Variants in TECPR2 observed in about 807,000 individuals in gnomAD.
The protein encoded by TECPR2 is tectonin beta-propeller repeat-containing protein 2.
In TECPR2, 65 loss-of-function variants were observed where a neutral mutation model predicts 138.1. The observed-to-expected ratio is 0.47, with a 90% CI of 0.39 to 0.58. The LOEUF is 0.58. Among genes scored for constraint, TECPR2 ranks in the 20% least tolerant of loss-of-function variants. The pLI, the probability that TECPR2 is intolerant of heterozygous loss-of-function variation, is 0.00. For missense variants in TECPR2, 1,553 were observed against 1,824.5 expected (o/e 0.85, Z 2.71); for synonymous variants, 746 against 749.8 (o/e 0.99, Z 0.08).
Position 102,414,696 on chromosome 14 carries a change from A to G in TECPR2, c.541A>G (p.Ser181Gly), listed in dbSNP as rs200469835. ...EPSSIVQLDY[S>G]QKVLLVSTLQ... ...ATCTTCCATTGTGCAGCTGGATTAT[A>G]GCCAGAAAGTGCTGCTGGTCTCTAC... is the stretch of plus-strand genomic sequence containing the variant. Residue 181 changes from serine (S) to glycine (G), a missense_variant, in exon 5 of 20, where the codon AGC becomes GGC. Physicochemically the swap from Ser to Gly is moderately conservative, Grantham distance 56. Coordinates refer to ENST00000359520, the MANE Select transcript of TECPR2 (RefSeq NM_014844.5). 21 of 1,614,230 alleles carry G rather than the reference A, an allele frequency of 1.3e-5. No homozygotes were observed. In the East Asian group the frequency reaches 4.2e-4, roughly 33 times the overall value.
rs192518133 is a variant in TECPR2 at position 102,502,333 on chromosome 14, G to T, written c.*4076G>T. The T allele has an allele frequency of 4.7e-3, 725 of 152,702 alleles. 4 individuals carry two copies. The highest frequency in any genetic ancestry group is 7.1e-3 in the Non-Finnish European group (481 of 68,032). The allele number at this position is 152,702 out of a possible 1,614,324, so 9.5% of individuals were successfully genotyped here. On this transcript the variant is annotated 3_prime_UTR_variant, in exon 20 of 20. Transcript: ENST00000359520. Reference sequence around the variant, plus strand: ...CATAACTCCGGGGAGGAGCAAGAGGGGTGAAAAGAAACAAGTTCTCTACTT... The same window carrying T: ...CATAACTCCGGGGAGGAGCAAGAGGTGTGAAAAGAAACAAGTTCTCTACTT...
At position 102,434,624 on chromosome 14, in the gene TECPR2, C is replaced by T; in HGVS notation, c.1807C>T (p.Pro603Ser). The change falls in exon 9 of 20, where the codon CCT (proline) becomes TCT (serine). Residue 603 changes from proline (P) to serine (S), a missense_variant. Coordinates refer to ENST00000359520, the MANE Select transcript of TECPR2 (RefSeq NM_014844.5). ...DVTGLGDEPC[P>S]ADDGPNSTQL... Reference sequence around the variant, plus strand: ...CACGGGACTCGGAGATGAGCCGTGTCCTGCAGATGATGGACCAAATAGCAC... The same window carrying T: ...CACGGGACTCGGAGATGAGCCGTGTTCTGCAGATGATGGACCAAATAGCAC... 6.3e-7 allele frequency: 1 copy of T among 1,588,650 alleles called. No individual in the cohort carries two copies. The highest frequency in any genetic ancestry group is 8.6e-7 in the Non-Finnish European group (1 of 1,163,546).
In TECPR2 at chr14:102,443,873, CT is replaced by C; in HGVS notation, c.2933+48del. On this transcript the variant is annotated intron_variant, in intron 12 of 19. Coordinates refer to ENST00000359520, the MANE Select transcript of TECPR2 (RefSeq NM_014844.5). This position sits in a 1 kb window ranked among gnomAD's most constrained non-coding sequence, Gnocchi z 4.9. ...CCTTTCACATCGTGCTTGTCCTACC[CT>C]TCGTTCTTGTCCACTTGACACCACA... 6.9e-7 allele frequency: 1 copy of C among 1,458,192 alleles called. No individual in the cohort carries two copies. The allele number at this position is 1,458,192 out of a possible 1,614,324, so 90.3% of individuals were successfully genotyped here.
intron 2 of TECPR2, among the ~76,000 whole-genome samples, chr14:102,404,667 C>T (rs1888604264): frequency 6.6e-6 from 1 of 151,634 alleles, no homozygotes; most frequent in Admixed American, 6.6e-5. Flanking sequence ...ACCTCCACCT[C>T]CTAGGTTCAA....
chr14:102,495,969 G>A (rs1234082672), intron 17 of TECPR2, among the ~76,000 whole-genome samples: 1 of 152,224 alleles, frequency 6.6e-6, no homozygotes, highest in Non-Finnish European at 1.5e-5. Flanking sequence ...GTGTGACACG[G>A]GCACTATGAC....
At chr14:102,405,365 G>T (rs1057011572) in intron 2 of TECPR2, among the ~76,000 whole-genome samples, 7 of 152,072 alleles carry the variant, frequency 4.6e-5, no homozygotes, top group African/African-American at 1.7e-4. Context: ...TCAAAAATGG[G>T]CAAAGGACTT....
chr14:102,479,064 T>C (rs1390664284), intron 17 of TECPR2, among the ~76,000 whole-genome samples: 2 of 151,608 alleles, frequency 1.3e-5, no homozygotes, highest in African/African-American at 4.8e-5. Flanking sequence ...TTGAAGCTGT[T>C]TTTGGAGTTA....
At chr14:102,493,385 G>A (rs1477837527) in intron 17 of TECPR2, among the ~76,000 whole-genome samples, 2 of 152,188 alleles carry the variant, frequency 1.3e-5, no homozygotes, top group African/African-American at 2.4e-5. Flanking sequence ...TAGCCTGGTG[G>A]CCTCAGCCTC....
rs77991933 is a variant in TECPR2, at chr14:102,427,066, C to T, written c.952-1184C>T. Among the ~76,000 whole-genome samples the T allele has an allele frequency of 2.0e-3, 295 of 151,086 alleles. 2 individuals are homozygous for T. The highest frequency in any genetic ancestry group is 6.3e-3 in the African/African-American group (260 of 41,238). On this transcript the variant is annotated intron_variant, in intron 6 of 19. Coordinates refer to ENST00000359520, the MANE Select transcript of TECPR2 (RefSeq NM_014844.5). ...CTTTAACCAAGAGTCTCTTATCGGC[C>T]GGAGCCTGGTTTGTTTTCCTGTAAA...
chr14:102,406,047 G>T (rs1888649317), intron 2 of TECPR2, among the ~76,000 whole-genome samples: 1 of 151,252 alleles, frequency 6.6e-6, no homozygotes, highest in African/African-American at 2.4e-5. Context: ...AAGACGGAAA[G>T]TAGAATGGTA....
intron 1 of TECPR2, among the ~76,000 whole-genome samples, chr14:102,369,281 G>A (rs1363482741): frequency 1.3e-5 from 2 of 151,938 alleles, no homozygotes; most frequent in African/African-American, 4.8e-5. Flanking sequence ...TAGAGCCTGC[G>A]AGCTGTCAGT....
chr14:102,421,261 G>A (rs984541551), intron 5 of TECPR2, among the ~76,000 whole-genome samples: 2 of 152,130 alleles, frequency 1.3e-5, no homozygotes, highest in East Asian at 1.9e-4. Flanking sequence ...CCTCTGGTTC[G>A]CTCTATTTAG....
rs887535202 is a variant in TECPR2 at position 102,420,131 on chromosome 14, C to A, written c.639-4848C>A. 2.6e-5 allele frequency among the ~76,000 whole-genome samples: 4 copies of A among 152,150 alleles called. No homozygotes were observed. The highest frequency in any genetic ancestry group is 5.9e-5 in the Non-Finnish European group (4 of 68,024). On this transcript the variant is annotated intron_variant, in intron 5 of 19. Coordinates refer to ENST00000359520, the MANE Select transcript of TECPR2 (RefSeq NM_014844.5). This position sits in a 1 kb window ranked among gnomAD's most constrained non-coding sequence, Gnocchi z 4.1. ...CATTATGCACAAAATCATAAAACAC[C>A]ATTTTATAGCTAGAATTTGTTAGCC...
chr14:102,397,623 G>C (rs1336998577), intron 2 of TECPR2, among the ~76,000 whole-genome samples: 1 of 151,802 alleles, frequency 6.6e-6, no homozygotes, highest in African/African-American at 2.4e-5. Flanking sequence ...GGTGTGCACT[G>C]GTAATCTCAG....
intron 17 of TECPR2, among the ~76,000 whole-genome samples, chr14:102,471,580 T>C (rs1037105649): frequency 1.7e-4 from 26 of 151,826 alleles, no homozygotes; most frequent in Non-Finnish European, 3.1e-4. Flanking sequence ...AGTGCACCTG[T>C]AGTCCCAGCT....
At chr14:102,422,498 C>T (rs937016011) in intron 5 of TECPR2, among the ~76,000 whole-genome samples, 6 of 152,006 alleles carry the variant, frequency 3.9e-5, no homozygotes, top group Admixed American at 6.6e-5. Context: ...TGAATTAGTG[C>T]GACAGCTTCT....
intron 16 of TECPR2, among the ~76,000 whole-genome samples, chr14:102,452,952 T>C (rs1276890844): frequency 6.6e-6 from 1 of 152,186 alleles, no homozygotes; most frequent in Non-Finnish European, 1.5e-5. Context: ...TTTCTGAATA[T>C]GGAACATAGC....
chr14:102,462,061 A>G (rs1394480006), intron 16 of TECPR2, among the ~76,000 whole-genome samples: 1 of 151,982 alleles, frequency 6.6e-6, no homozygotes, highest in Non-Finnish European at 1.5e-5. Context: ...AGTCTTTTAT[A>G]TGTGTTCTGA....
chr14:102,392,184 G>A (rs1045248601), intron 2 of TECPR2, among the ~76,000 whole-genome samples: 3 of 151,906 alleles, frequency 2.0e-5, no homozygotes, highest in Non-Finnish European at 4.4e-5. Flanking sequence ...TAGAGACGGG[G>A]TTTCACTGTG....
Sources: allele counts gnomAD v4.1 joint callset (sites outside exome capture counted in the v4.1 genomes callset), GRCh38; gene constraint gnomAD v4.1.1; non-coding constraint Gnocchi (gnomAD v3.1); transcripts MANE v1.5; gene names NCBI Gene and HGNC (gene_info 2026-07-23, HGNC 2026-07-21).